CCDC82: variants seen among roughly 807,000 people sequenced by gnomAD.
CCDC82 encodes the protein coiled-coil domain containing 82.
CCDC82 carries 47 observed loss-of-function variants against 60.6 expected under a neutral mutation model. The ratio of observed to expected loss-of-function variants is 0.77; its 90% CI spans 0.61 to 0.99. The LOEUF is 0.99. Among genes scored for constraint, CCDC82 ranks in the 50% least tolerant of loss-of-function variants. CCDC82 has a pLI of 0.00. For synonymous variants in CCDC82, 212 were observed against 207.4 expected (o/e 1.02, Z -0.19); for missense variants, 588 against 633.0 (o/e 0.93, Z 0.76).
chr11:96,377,107 T>C (rs551667818), intron 5 of CCDC82, among the ~76,000 whole-genome samples: 2 of 152,334 alleles, frequency 1.3e-5, no homozygotes, highest in African/African-American at 2.4e-5. Flanking sequence ...ATGTAGATTT[T>C]TGATGTACTT....
chr11:96,359,101 G>T lies in CCDC82; in HGVS notation c.1458C>A (p.Tyr486Ter). The change falls in exon 9 of 10, where the codon TAC becomes TAA. Residue 486 changes from tyrosine to a stop codon, truncating the protein, a stop_gained. Coordinates refer to ENST00000646818, the MANE Select transcript of CCDC82 (RefSeq NM_024725.4). LOFTEE classifies it high-confidence loss of function. Reference protein sequence around the residue: ...HKLKHFKFKLYQECCTIAMTE... With the variant: ...HKLKHFKFKL ...TCATTGCAATGGTGCAACATTCCTGGTATAGTTTGAATTTAAAATGTTTCA... is the reference window on the plus strand; with the variant it reads ...TCATTGCAATGGTGCAACATTCCTGTTATAGTTTGAATTTAAAATGTTTCA... 6.2e-6 allele frequency: 10 copies of T among 1,604,232 alleles called. No homozygotes were observed. Among genetic ancestry groups the T allele is most frequent in the Non-Finnish European group, 8.5e-6 (10 of 1,177,454 alleles).
At chr11:96,368,811 A>C (rs946212719) in intron 7 of CCDC82, among the ~76,000 whole-genome samples, 2 of 151,380 alleles carry the variant, frequency 1.3e-5, no homozygotes, top group African/African-American at 4.9e-5. Context: ...GCTTGCAGTG[A>C]GCCGAGATTG....
intron 9 of CCDC82, chr11:96,357,798 G>A (rs1481898335): frequency 1.0e-6 from 1 of 985,270 alleles, no homozygotes; most frequent in Non-Finnish European, 1.2e-6. Context: ...GGAAGTTATT[G>A]AATAAGTGCT....
In CCDC82 at chr11:96,359,139, T is replaced by G; in HGVS notation, c.1420A>C (p.Ile474Leu). The stretch of plus-strand genomic sequence containing the variant: ...TTAAAATGTTTCAGTTTATGATAAA[T>G]TCTGGTACGGCTGGCACAAATTCTG... ...VGRICASRTRIYHKLKHFKFK... is the reference protein window; with the variant it reads ...VGRICASRTRLYHKLKHFKFK... The change falls in exon 9 of 10, where the codon ATT (isoleucine) becomes CTT (leucine). Residue 474 changes from isoleucine to leucine, a missense_variant. By Grantham distance (5) the Ile-to-Leu change is conservative. Transcript: ENST00000646818. The G allele has an allele frequency of 6.3e-7, 1 of 1,591,236 alleles. No individual in the cohort carries two copies. The highest frequency in any genetic ancestry group is 8.5e-7 in the Non-Finnish European group (1 of 1,173,634).
In CCDC82 at chr11:96,365,082, A is replaced by G; in HGVS notation, c.1278T>C (p.Ala426=). Residue 426 remains alanine, a synonymous_variant, in exon 8 of 10, where the codon GCT becomes GCC. Transcript: ENST00000646818. The part of the protein sequence containing the change: ...LKNPENCSCQ[A]CGLHRYCKYS... ...ATTTACAGTAGCGATGCAGTCCACA[A>G]GCCTGGCAGGAACAGTTTTCAGGAT... 1 of 1,608,074 alleles carries G rather than the reference A, an allele frequency of 6.2e-7. No individual in the cohort carries two copies. The highest frequency in any genetic ancestry group is 8.5e-7 in the Non-Finnish European group (1 of 1,176,800).
intron 8 of CCDC82, among the ~76,000 whole-genome samples, chr11:96,360,920 G>A (rs967903070): frequency 3.3e-5 from 5 of 152,218 alleles, no homozygotes; most frequent in African/African-American, 1.2e-4. Context: ...TTTAAGAAAA[G>A]CATGTTCAGA....
intron 9 of CCDC82, 28 bp downstream of exon 9, chr11:96,358,965 T>G: frequency 1.3e-6 from 2 of 1,540,660 alleles, no homozygotes; most frequent in Non-Finnish European, 1.8e-6. Context: ...AGAATCTACA[T>G]GATAAGATTC....
intron 9 of CCDC82, chr11:96,354,776 A>C (rs534427646): frequency 6.6e-6 from 1 of 152,304 alleles, no homozygotes; most frequent in African/African-American, 2.4e-5. Flanking sequence ...TTTCAGACAT[A>C]TAGAGTTCAA....
intron 7 of CCDC82, among the ~76,000 whole-genome samples, chr11:96,366,454 T>C (rs1415594727): frequency 6.6e-6 from 1 of 152,242 alleles, no homozygotes; most frequent in Non-Finnish European, 1.5e-5. Context: ...CACAATATGG[T>C]AAAACCTAAT....
intron 5 of CCDC82, among the ~76,000 whole-genome samples, chr11:96,378,109 AT>A (rs1007931075): frequency 6.6e-6 from 1 of 151,556 alleles, no homozygotes; most frequent in Non-Finnish European, 1.5e-5. Context: ...CTTTATAACT[AT>A]TTTTTTCTTC....
chr11:96,382,097 G>A (rs998913015), intron 5 of CCDC82: 1 of 151,800 alleles, frequency 6.6e-6, no homozygotes, highest in East Asian at 1.9e-4. Flanking sequence ...TGCATAAAAA[G>A]CACTCATACT....
At chr11:96,379,115 C>T (rs1865736287) in intron 5 of CCDC82, among the ~76,000 whole-genome samples, 1 of 151,918 alleles carries the variant, frequency 6.6e-6, no homozygotes, top group Non-Finnish European at 1.5e-5. Context: ...TCTGGGAATA[C>T]TAGCCTAATT....
At position 96,357,133 on chromosome 11, in the gene CCDC82, G is replaced by A. The variant is rs551363146; in HGVS notation, c.1566+1860C>T. On this transcript the variant is annotated intron_variant, in intron 9 of 9. Transcript: ENST00000646818. The stretch of plus-strand genomic sequence containing the variant: ...TCAAAGGCACACAGTGAGAGGGACA[G>A]ACAGAGTGAGGATGGGAAATGTCAG... 13 of 985,448 alleles carry A rather than the reference G, an allele frequency of 1.3e-5. No homozygotes were observed. The South Asian group carries it at 6.1e-4, about 46-fold the overall frequency. 61.0% of individuals were successfully genotyped at this position (985,448 alleles called of 1,614,324 possible).
At chr11:96,376,146 T>C (rs1865559073) in intron 5 of CCDC82, among the ~76,000 whole-genome samples, 2 of 152,236 alleles carry the variant, frequency 1.3e-5, no homozygotes, top group Admixed American at 6.5e-5. Flanking sequence ...AATCATTTGG[T>C]AGTCTAATCA....
intron 5 of CCDC82, among the ~76,000 whole-genome samples, chr11:96,374,211 C>T (rs532291409): frequency 6.6e-6 from 1 of 152,182 alleles, no homozygotes; most frequent in African/African-American, 2.4e-5. Flanking sequence ...CTGCTCAGGG[C>T]ACCTGTGAAG....
rs142592483 is a variant in CCDC82 at position 96,358,541 on chromosome 11, T to TG, written c.1566+451dup. 6.7e-3 allele frequency: 8,237 copies of TG among 1,234,198 alleles called. 47 individuals are homozygous for TG. The highest frequency in any genetic ancestry group is 0.037 in the Admixed American group (885 of 23,690). The allele number at this position is 1,234,198 out of a possible 1,614,324, so 76.5% of individuals were successfully genotyped here. On this transcript the variant is annotated intron_variant, in intron 9 of 9. Transcript: ENST00000646818. ...CATGTCCTCAAGAAGAGGATGTGGG[T>TG]GTATTAGAACTGGCAGCCGAGATCC... is the stretch of plus-strand genomic sequence containing the variant.
intron 5 of CCDC82, chr11:96,382,539 T>C (rs971856324): frequency 3.3e-5 from 5 of 151,794 alleles, no homozygotes; most frequent in African/African-American, 1.2e-4. Context: ...GACTGATGCA[T>C]TTTATCACAA....
chr11:96,362,638 C>T (rs1365584735), intron 8 of CCDC82, among the ~76,000 whole-genome samples: 1 of 152,106 alleles, frequency 6.6e-6, no homozygotes, highest in Non-Finnish European at 1.5e-5. Context: ...TCATCTATGT[C>T]CTTAAACTTT....
At position 96,378,320 on chromosome 11, in the gene CCDC82, G is replaced by A. The variant is rs540703893; in HGVS notation, c.992-4853C>T. 2.6e-5 allele frequency among the ~76,000 whole-genome samples: 4 copies of A among 152,012 alleles called. No individual in the cohort carries two copies. The South Asian group carries it at 8.3e-4, about 32-fold the overall frequency. ...CTTTTTCATAGACTGCATAGCAAAT[G>A]CTTTATAGCATTTTCTTGTTTCTTT... On this transcript the variant is annotated intron_variant, in intron 5 of 9. Transcript: ENST00000646818.
Sources: allele counts gnomAD v4.1 joint callset (sites outside exome capture counted in the v4.1 genomes callset), GRCh38; gene constraint gnomAD v4.1.1; transcripts MANE v1.5; gene names NCBI Gene and HGNC (gene_info 2026-07-23, HGNC 2026-07-21).